CSMD3: variants seen among roughly 807,000 people sequenced by gnomAD.
CSMD3 encodes CUB and Sushi multiple domains 3, also known as CUB and sushi domain-containing protein 3.
A neutral mutation model predicts 435.2 loss-of-function variants in CSMD3; 177 were observed. The observed-to-expected ratio is 0.41, with a 90% confidence interval of 0.36 to 0.46. CSMD3 has a LOEUF of 0.46. Among genes scored for constraint, CSMD3 ranks in the 20% least tolerant of loss-of-function variants. CSMD3 has a pLI of 0.34. For missense variants in CSMD3, 4,265 were observed against 4,504.6 expected (o/e 0.95, Z 1.52); for synonymous variants, 1,656 against 1,520.5 (o/e 1.09, Z -2.07).
intron 9 of CSMD3, among the ~76,000 whole-genome samples, chr8:112,923,126 C>G (rs1314369389): frequency 6.6e-6 from 1 of 152,084 alleles, no homozygotes; most frequent in Non-Finnish European, 1.5e-5. Flanking sequence ...GGAATCTGAG[C>G]CACAATTTCT....
intron 10 of CSMD3, among the ~76,000 whole-genome samples, chr8:112,868,005 C>A (rs998976212): frequency 1.3e-5 from 2 of 152,092 alleles, no homozygotes; most frequent in Non-Finnish European, 2.9e-5. Flanking sequence ...CATTGCACAG[C>A]CATACATCAT....
At chr8:112,312,513 C>T (rs12678444) in intron 49 of CSMD3, among the ~76,000 whole-genome samples, 28,703 of 152,064 alleles carry the variant, frequency 0.19, 3,149 homozygotes, top group Middle Eastern at 0.33. Context: ...GCCTCAGCCT[C>T]CCAAAGTGCT....
intron 19 of CSMD3, among the ~76,000 whole-genome samples, chr8:112,647,697 T>G (rs2075020882): frequency 6.6e-6 from 1 of 152,218 alleles, no homozygotes; most frequent in African/African-American, 2.4e-5. Flanking sequence ...AATTCTCATT[T>G]GCCAGTAGCT....
intron 5 of CSMD3, among the ~76,000 whole-genome samples, chr8:113,079,839 G>C (rs2089485467): frequency 1.3e-5 from 2 of 152,142 alleles, no homozygotes; most frequent in African/African-American, 4.8e-5. Flanking sequence ...AGACATTCCT[G>C]TTTAAGTGCA....
chr8:112,320,007 T>G, intron 45 of CSMD3, 26 bp from the exon 46 acceptor site: 2 of 1,495,268 alleles, frequency 1.3e-6, no homozygotes, highest in Non-Finnish European at 1.9e-6. Context: ...AAGTGTTTAT[T>G]CCTTTTCTGT....
intron 14 of CSMD3, among the ~76,000 whole-genome samples, chr8:112,686,789 T>A (rs2131811270): frequency 6.6e-6 from 1 of 152,222 alleles, no homozygotes; most frequent in South Asian, 2.1e-4. Context: ...CCCGGCCTTT[T>A]ATTACATATT....
chr8:113,389,454 CA>C lies in CSMD3; in HGVS notation c.178+47222del, dbSNP rs540253787. Among the ~76,000 whole-genome samples the C allele has an allele frequency of 2.0e-5, 3 of 151,116 alleles. No homozygotes were observed. In the South Asian group the frequency reaches 6.2e-4, roughly 31 times the overall value. On this transcript the variant is annotated intron_variant, in intron 1 of 70. Coordinates refer to ENST00000297405, the MANE Select transcript of CSMD3 (RefSeq NM_198123.2). ...TATTAATGTAAAAATAGAGCAATTA[CA>C]AAAAAAGTGGCTAATGTATTGAAGA...
intron 35 of CSMD3, among the ~76,000 whole-genome samples, chr8:112,405,236 T>TGTATATATATATATATATATAC (rs1554668915): frequency 3.0e-5 from 3 of 98,974 alleles, no homozygotes; most frequent in African/African-American, 1.2e-4. Context: ...TATATATATA[T>TGTATATATATATATATATATAC]ATATATATAT....
chr8:113,284,549 A>T (rs187569140), intron 2 of CSMD3, among the ~76,000 whole-genome samples: 2 of 152,288 alleles, frequency 1.3e-5, no homozygotes, highest in African/African-American at 4.8e-5. Context: ...CTTTTTTGAC[A>T]TATCTTTCTA....
intron 5 of CSMD3, among the ~76,000 whole-genome samples, chr8:113,043,403 A>T (rs2087705028): frequency 3.3e-5 from 5 of 152,156 alleles, no homozygotes; most frequent in Admixed American, 3.3e-4. Flanking sequence ...TAGAGACTTA[A>T]GTCAGCATCA....
intron 6 of CSMD3, among the ~76,000 whole-genome samples, chr8:112,988,072 T>G (rs1320476055): frequency 1.3e-5 from 2 of 151,782 alleles, no homozygotes; most frequent in African/African-American, 4.8e-5. Flanking sequence ...AAGAAGAGGG[T>G]CATCTGCCTT....
intron 12 of CSMD3, among the ~76,000 whole-genome samples, chr8:112,806,851 C>T (rs528397145): frequency 5.3e-5 from 8 of 152,314 alleles, no homozygotes; most frequent in African/African-American, 1.9e-4. Context: ...CTATGTTCTT[C>T]TTCTGTGCTC....
intron 3 of CSMD3, among the ~76,000 whole-genome samples, chr8:113,275,878 A>G (rs1337165362): frequency 6.6e-6 from 1 of 151,922 alleles, no homozygotes; most frequent in Non-Finnish European, 1.5e-5. Context: ...CAGGCATAAT[A>G]CTTGAGAAGA....
intron 53 of CSMD3, among the ~76,000 whole-genome samples, chr8:112,299,471 A>C (rs957248332): frequency 1.3e-5 from 2 of 152,148 alleles, no homozygotes; most frequent in Non-Finnish European, 2.9e-5. Flanking sequence ...AATGCATCAA[A>C]AAAATAAATT....
intron 24 of CSMD3, among the ~76,000 whole-genome samples, chr8:112,561,415 G>A (rs940005762): frequency 2.6e-5 from 4 of 151,498 alleles, no homozygotes; most frequent in Non-Finnish European, 5.9e-5. Flanking sequence ...TCCTGCCACC[G>A]TGTAGCATAT....
intron 35 of CSMD3, among the ~76,000 whole-genome samples, chr8:112,405,143 C>T (rs1229315657): frequency 7.5e-6 from 1 of 133,284 alleles, no homozygotes; most frequent in Non-Finnish European, 1.5e-5. Flanking sequence ...GTAATCATGC[C>T]ACGGCCTTCC....
intron 2 of CSMD3, among the ~76,000 whole-genome samples, chr8:113,307,002 G>A (rs1390072095): frequency 6.6e-6 from 1 of 151,876 alleles, no homozygotes; most frequent in African/African-American, 2.4e-5. Flanking sequence ...ACTGGGTAAA[G>A]AATTGATATT....
intron 16 of CSMD3, among the ~76,000 whole-genome samples, chr8:112,678,583 G>A (rs1372228261): frequency 6.6e-6 from 1 of 151,992 alleles, no homozygotes; most frequent in Non-Finnish European, 1.5e-5. Flanking sequence ...ATCATTTAAG[G>A]TAATCTTTAA....
intron 35 of CSMD3, among the ~76,000 whole-genome samples, chr8:112,397,344 C>T (rs868399508): frequency 6.6e-6 from 1 of 152,112 alleles, no homozygotes; most frequent in Non-Finnish European, 1.5e-5. Context: ...TGGATTTACA[C>T]CTGTTCCACA....
Sources: allele counts gnomAD v4.1 joint callset (sites outside exome capture counted in the v4.1 genomes callset), GRCh38; gene constraint gnomAD v4.1.1; transcripts MANE v1.5; gene names NCBI Gene and HGNC (gene_info 2026-07-23, HGNC 2026-07-21).